The following ANXA8 variants were observed in gnomAD, a reference collection of about 807,000 sequenced individuals.
ANXA8 encodes VAC-beta.
ANXA8 carries 9 observed loss-of-function variants against 26.8 expected under a neutral mutation model. The ratio of observed to expected loss-of-function variants is 0.34; its 90% CI spans 0.20 to 0.59. ANXA8 has a LOEUF of 0.59. Among genes scored for constraint, ANXA8 ranks in the 20% least tolerant of loss-of-function variants. ANXA8 has a pLI of 0.84. For missense variants in ANXA8, 83 were observed against 238.5 expected, an observed-to-expected ratio of 0.35 and a Z score of 4.29; for synonymous variants, 39 against 94.8, an observed-to-expected ratio of 0.41 and a Z score of 3.42.
chr10:47,527,584 T>A, the ANXA8 span, among the ~76,000 whole-genome samples: 3 of 148,684 alleles, frequency 2.0e-5, no homozygotes, highest in African/African-American at 7.6e-5. Flanking sequence ...ATTATCCCAA[T>A]GCAGAGTCAA....
At chr10:47,683,095 G>A in the ANXA8 span, among the ~76,000 whole-genome samples, 4 of 152,152 alleles carry the variant, frequency 2.6e-5, no homozygotes, top group East Asian at 5.8e-4. Context: ...CTAAATGAGC[G>A]ATAGCTTTAA....
the ANXA8 span, among the ~76,000 whole-genome samples, chr10:47,703,404 C>T: frequency 6.6e-6 from 1 of 151,174 alleles, no homozygotes; most frequent in Non-Finnish European, 1.5e-5. Flanking sequence ...CCTGTCTCTA[C>T]AAAAAATAGA....
the ANXA8 span, among the ~76,000 whole-genome samples, chr10:47,736,997 T>C: frequency 1.3e-5 from 2 of 151,470 alleles, no homozygotes; most frequent in Admixed American, 1.3e-4. Flanking sequence ...TACATTTGCT[T>C]CATATGCTTA....
chr10:47,779,020 C>T, the ANXA8 span, among the ~76,000 whole-genome samples: 3 of 151,500 alleles, frequency 2.0e-5, no homozygotes, highest in Non-Finnish European at 2.9e-5. Context: ...GTTATATTTA[C>T]ACTACTTTAA....
the ANXA8 span, among the ~76,000 whole-genome samples, chr10:47,554,264 G>A: frequency 7.4e-6 from 1 of 135,426 alleles, no homozygotes; most frequent in Non-Finnish European, 1.6e-5. Context: ...AAGTTGTAGT[G>A]AGCTGAGATC....
At chr10:47,684,971 T>C in the ANXA8 span, among the ~76,000 whole-genome samples, 1 of 150,520 alleles carries the variant, frequency 6.6e-6, no homozygotes, top group Non-Finnish European at 1.5e-5. Flanking sequence ...CTTCTTCCGT[T>C]GTGGCCCAGG....
chr10:47,570,688 C>T, the ANXA8 span, among the ~76,000 whole-genome samples: 4 of 150,584 alleles, frequency 2.7e-5, 1 homozygote, highest in African/African-American at 9.9e-5. Context: ...TGGGAGGATC[C>T]CTTAAGCCTG....
chr10:47,778,648 G>C, the ANXA8 span, among the ~76,000 whole-genome samples: 1 of 151,620 alleles, frequency 6.6e-6, no homozygotes, highest in Non-Finnish European at 1.5e-5. Context: ...TATTCTAAAG[G>C]AATATTATTA....
chr10:47,672,887 G>A, the ANXA8 span, among the ~76,000 whole-genome samples: 11 of 151,566 alleles, frequency 7.3e-5, no homozygotes, highest in Admixed American at 5.9e-4. Context: ...TAAGAAGTAC[G>A]GTTTCTAAAA....
the ANXA8 span, chr10:47,706,444 A>G: frequency 1.8e-6 from 1 of 548,258 alleles, no homozygotes; most frequent in Non-Finnish European, 3.1e-6. Context: ...ATTAATGGCT[A>G]TATTCTTGTG....
chr10:47,771,578 G>T, the ANXA8 span, among the ~76,000 whole-genome samples: 66 of 148,082 alleles, frequency 4.5e-4, no homozygotes, highest in South Asian at 1.1e-3. Context: ...GGTTTTTTTT[G>T]TTGTTGTTGT....
chr10:47,776,201 C>T, the ANXA8 span, among the ~76,000 whole-genome samples: 1 of 150,484 alleles, frequency 6.6e-6, no homozygotes, highest in East Asian at 2.0e-4. Context: ...TGGTTCAAAT[C>T]CTCATGCATC....
chr10:47,700,215 A>C, the ANXA8 span, among the ~76,000 whole-genome samples: 1 of 151,952 alleles, frequency 6.6e-6, no homozygotes, highest in Non-Finnish European at 1.5e-5. Context: ...AAGGAAAACT[A>C]CAGAGGAGGG....
At chr10:47,609,289 A>T in the ANXA8 span, among the ~76,000 whole-genome samples, 1 of 147,734 alleles carries the variant, frequency 6.8e-6, no homozygotes, top group Non-Finnish European at 1.5e-5. Context: ...GAAAACCTCC[A>T]GCAGAATTAG....
chr10:47,575,386 G>GTTTA, the ANXA8 span, among the ~76,000 whole-genome samples: 1 of 133,750 alleles, frequency 7.5e-6, no homozygotes, highest in Non-Finnish European at 1.6e-5. Context: ...TACTTCATTT[G>GTTTA]TTTATTTATT....
At chr10:47,561,666 G>C in the ANXA8 span, among the ~76,000 whole-genome samples, 420 of 151,782 alleles carry the variant, frequency 2.8e-3, 10 homozygotes, top group African/African-American at 9.7e-3. Context: ...CAGAATATTC[G>C]TATATTAATT....
the ANXA8 span, among the ~76,000 whole-genome samples, chr10:47,603,414 A>G: frequency 6.7e-6 from 1 of 149,942 alleles, no homozygotes; most frequent in Non-Finnish European, 1.5e-5. Flanking sequence ...ACCGATTTTA[A>G]TTTGATCTTC....
the ANXA8 span, among the ~76,000 whole-genome samples, chr10:47,517,268 C>A: frequency 9.2e-5 from 8 of 86,932 alleles, 1 homozygote; most frequent in African/African-American, 2.9e-4. Flanking sequence ...ATTTAAGGCA[C>A]TTTTTTTTTT....
the ANXA8 span, among the ~76,000 whole-genome samples, chr10:47,640,781 T>A: frequency 7.6e-6 from 1 of 132,076 alleles, no homozygotes; most frequent in South Asian, 2.2e-4. Flanking sequence ...GAGCATGCCA[T>A]TTTTTAGTAT....
Sources: gnomAD v4.1 joint callset for allele counts (sites outside exome capture counted in the v4.1 genomes callset) on GRCh38, gnomAD v4.1.1 for gene constraint, MANE v1.5 for transcripts, NCBI Gene and HGNC (gene_info 2026-07-23, HGNC 2026-07-21) for gene names.